The following CDH18 variants were observed in gnomAD, a reference collection of about 807,000 sequenced individuals.
CDH18 encodes cadherin 18, also known as cadherin-18.
In CDH18, 31 loss-of-function variants were observed where a neutral mutation model predicts 67.9. That is an observed-to-expected ratio of 0.46 (90% CI 0.34 to 0.62). CDH18 has a LOEUF of 0.62. Ranked by LOEUF, CDH18 falls within the 20% of genes least tolerant of loss-of-function variation. The pLI is 0.01. For synonymous variants in CDH18, 362 were observed against 347.2 expected, an observed-to-expected ratio of 1.04 and a Z score of -0.48; for missense variants, 890 against 975.5, an observed-to-expected ratio of 0.91 and a Z score of 1.17.
chr5:19,604,881 C>G (rs1241946000), intron 6 of CDH18, among the ~76,000 whole-genome samples: 1 of 151,690 alleles, frequency 6.6e-6, no homozygotes, highest in African/African-American at 2.4e-5. Context: ...TAGTGGAACA[C>G]TTTCTTTGTT....
intron 2 of CDH18, among the ~76,000 whole-genome samples, chr5:19,948,458 C>T (rs191143937): frequency 1.3e-5 from 2 of 152,184 alleles, no homozygotes; most frequent in Admixed American, 6.5e-5. Context: ...GGACAAACCT[C>T]GTGGAAACTA....
chr5:19,923,631 G>C (rs942272028), intron 2 of CDH18, among the ~76,000 whole-genome samples: 2 of 152,068 alleles, frequency 1.3e-5, no homozygotes, highest in African/African-American at 4.8e-5. Context: ...TCATGGAGAA[G>C]CTGAACAGGC....
chr5:20,030,173 G>A (rs953217994), intron 2 of CDH18, among the ~76,000 whole-genome samples: 2 of 152,194 alleles, frequency 1.3e-5, no homozygotes, highest in African/African-American at 2.4e-5. Context: ...CCCAAGAAGA[G>A]TGTGACTTTA....
At chr5:19,586,974 T>A (rs1744258330) in intron 7 of CDH18, among the ~76,000 whole-genome samples, 1 of 152,208 alleles carries the variant, frequency 6.6e-6, no homozygotes, top group Non-Finnish European at 1.5e-5. Flanking sequence ...TTGAGCTTTT[T>A]TTCATATGTT....
intron 3 of CDH18, among the ~76,000 whole-genome samples, chr5:19,794,526 T>C (rs572059285): frequency 1.2e-3 from 180 of 152,246 alleles, no homozygotes; most frequent in Admixed American, 1.9e-3. Flanking sequence ...CCATTAACAA[T>C]GTAAACCAAT....
At chr5:19,921,526 G>A (rs1202826216) in intron 2 of CDH18, among the ~76,000 whole-genome samples, 9 of 137,404 alleles carry the variant, frequency 6.6e-5, no homozygotes, top group South Asian at 2.2e-4. Flanking sequence ...GCGAGACTCC[G>A]TCTCAAAAAA....
intron 3 of CDH18, among the ~76,000 whole-genome samples, chr5:19,750,765 C>T (rs999932469): frequency 7.2e-6 from 1 of 138,036 alleles, no homozygotes; most frequent in Non-Finnish European, 1.6e-5. Context: ...GTGAAGCCCC[C>T]CCCCCCCCAC....
chr5:19,934,710 T>C (rs1230217419), intron 2 of CDH18, among the ~76,000 whole-genome samples: 1 of 151,498 alleles, frequency 6.6e-6, no homozygotes, highest in Non-Finnish European at 1.5e-5. Flanking sequence ...AGCAATGCTA[T>C]GTGGTCACAC....
At chr5:20,003,244 C>T (rs575817864) in intron 2 of CDH18, among the ~76,000 whole-genome samples, 3 of 152,250 alleles carry the variant, frequency 2.0e-5, no homozygotes, top group Admixed American at 6.5e-5. Context: ...TTATTCAAAT[C>T]TGCAAACTTT....
chr5:19,861,903 T>C (rs1418725604), intron 2 of CDH18, among the ~76,000 whole-genome samples: 2 of 152,272 alleles, frequency 1.3e-5, no homozygotes, highest in African/African-American at 4.8e-5. Flanking sequence ...GATGAGTGAG[T>C]AGAAATCCCA....
intron 11 of CDH18, 71 bp from the exon 12 acceptor site, chr5:19,483,623 G>T: frequency 7.0e-7 from 1 of 1,429,660 alleles, no homozygotes; most frequent in Non-Finnish European, 9.5e-7. Flanking sequence ...TTCCTTTAAT[G>T]GATAAAATGG....
At chr5:20,308,967 G>A (rs1018727188) in intron 1 of CDH18, among the ~76,000 whole-genome samples, 1 of 152,114 alleles carries the variant, frequency 6.6e-6, no homozygotes, top group Non-Finnish European at 1.5e-5. Flanking sequence ...CACTAAAATT[G>A]GGGTATTTAT....
At chr5:20,399,876 C>A (rs902114321) in intron 1 of CDH18, among the ~76,000 whole-genome samples, 16 of 152,284 alleles carry the variant, frequency 1.1e-4, no homozygotes, top group African/African-American at 3.8e-4. Context: ...ATTACCTCAC[C>A]AGTATGCTGA....
At chr5:19,994,855 T>TATAG (rs760777430) in intron 2 of CDH18, among the ~76,000 whole-genome samples, 1,869 of 67,564 alleles carry the variant, frequency 0.028, 217 homozygotes, top group African/African-American at 0.035. Context: ...TATATATATA[T>TATAG]AGAGAGAGAG....
chr5:19,719,942 AAAG>A (rs1479500078), intron 5 of CDH18, among the ~76,000 whole-genome samples: 2 of 151,582 alleles, frequency 1.3e-5, no homozygotes, highest in East Asian at 3.9e-4. Flanking sequence ...AGAAAGAAAG[AAAG>A]AAAGAAAGAA....
At chr5:20,001,116 A>G (rs182143490) in intron 2 of CDH18, among the ~76,000 whole-genome samples, 2 of 152,336 alleles carry the variant, frequency 1.3e-5, no homozygotes, top group Admixed American at 1.3e-4. Flanking sequence ...AAATTGTCAA[A>G]TGAAGTCTCA....
At chr5:19,788,614 T>C (rs542137166) in intron 3 of CDH18, among the ~76,000 whole-genome samples, 2 of 152,290 alleles carry the variant, frequency 1.3e-5, no homozygotes, top group South Asian at 4.1e-4. Flanking sequence ...GGTGGGCTTC[T>C]TACCAGATTA....
At chr5:20,106,378 CTGAT>C (rs906742275) in intron 2 of CDH18, among the ~76,000 whole-genome samples, 1 of 152,192 alleles carries the variant, frequency 6.6e-6, no homozygotes, top group African/African-American at 2.4e-5. Context: ...AATCACTTCA[CTGAT>C]TTATTTTTCA....
chr5:20,137,048 C>T (rs1401626755), intron 2 of CDH18, among the ~76,000 whole-genome samples: 3 of 152,062 alleles, frequency 2.0e-5, no homozygotes, highest in African/African-American at 4.8e-5. Flanking sequence ...GTGAATCTGA[C>T]AATTATGTGT....
Sources: gnomAD v4.1 joint callset for allele counts (sites outside exome capture counted in the v4.1 genomes callset) on GRCh38, gnomAD v4.1.1 for gene constraint, MANE v1.5 for transcripts, NCBI Gene and HGNC (gene_info 2026-07-23, HGNC 2026-07-21) for gene names.